NFIA: variants seen among roughly 807,000 people sequenced by gnomAD.
NFIA encodes the protein nuclear factor 1 A-type.
NFIA carries 8 observed loss-of-function variants against 62.8 expected under a neutral mutation model. The ratio of observed to expected loss-of-function variants is 0.13; its 90% CI spans 0.07 to 0.23. The LOEUF is 0.23. Ranked by LOEUF, NFIA falls within the 10% of genes least tolerant of loss-of-function variation. NFIA has a pLI of 1.00. For missense variants in NFIA, 410 were observed against 642.1 expected, an observed-to-expected ratio of 0.64 and a Z score of 3.91; for synonymous variants, 235 against 238.1, an observed-to-expected ratio of 0.99 and a Z score of 0.12.
chr1:61,077,828 C>A (rs1408184138), upstream of NFIA, among the ~76,000 whole-genome samples: 3 of 149,408 alleles, frequency 2.0e-5, no homozygotes, highest in Admixed American at 1.3e-4. Context: ...TTGCTATGTG[C>A]ATCAGAGACC....
At chr1:61,235,551 C>T (rs1654955554) in intron 2 of NFIA, among the ~76,000 whole-genome samples, 1 of 150,642 alleles carries the variant, frequency 6.6e-6, no homozygotes, top group Non-Finnish European at 1.5e-5. Context: ...TTTGGTGGCC[C>T]ATGCCTGTAA....
At chr1:61,211,910 T>C (rs576960126) in intron 2 of NFIA, among the ~76,000 whole-genome samples, 3 of 152,348 alleles carry the variant, frequency 2.0e-5, no homozygotes, top group South Asian at 2.1e-4. Context: ...TTGCCCAGGC[T>C]GGTCTCGAAC....
intron 2 of NFIA, among the ~76,000 whole-genome samples, chr1:61,249,486 T>C (rs12760024): frequency 1.3e-5 from 2 of 152,166 alleles, no homozygotes; most frequent in African/African-American, 4.8e-5. Flanking sequence ...AAATGAATAA[T>C]GGCCAGATGC....
intron 2 of NFIA, among the ~76,000 whole-genome samples, chr1:61,241,029 C>CAAA (rs991229962): frequency 5.3e-5 from 8 of 151,148 alleles, no homozygotes; most frequent in African/African-American, 1.9e-4. Context: ...AATTTCTTTA[C>CAAA]CTAAGGAGAG....
Position 61,091,972 on chromosome 1 carries a change from A to T in NFIA, c.559+3292A>T, listed in dbSNP as rs116125725. Among the ~76,000 whole-genome samples the T allele has an allele frequency of 4.0e-3, 616 of 152,182 alleles. 4 individuals are homozygous for T. The highest frequency in any genetic ancestry group is 5.2e-3 in the Non-Finnish European group (355 of 68,020). ...TACTTTTTAAGGACTCATTTCTTGG[A>T]TAGAGGCAGGTTGCTATTTTTAGGC... On this transcript the variant is annotated intron_variant, in intron 2 of 10. Transcript: ENST00000403491.
At chr1:61,389,918 T>C (rs1664883329) in intron 7 of NFIA, among the ~76,000 whole-genome samples, 1 of 152,212 alleles carries the variant, frequency 6.6e-6, no homozygotes. Context: ...TACCTATTAC[T>C]ATCTGGGGAC....
At position 61,417,436 on chromosome 1, in the gene NFIA, A is replaced by G. The variant is rs1476672079; in HGVS notation, c.1421-9029A>G. 3.3e-5 allele frequency among the ~76,000 whole-genome samples: 5 copies of G among 150,698 alleles called. No homozygotes were observed. In the East Asian group the frequency reaches 7.8e-4, roughly 23 times the overall value. Reference sequence around the variant, plus strand: ...CCTATATTCTTACTATAGGACATAAACTTTTCTTCTAACCTATGGAGTATG... The same window carrying G: ...CCTATATTCTTACTATAGGACATAAGCTTTTCTTCTAACCTATGGAGTATG... On this transcript the variant is annotated intron_variant, in intron 9 of 10. Transcript: ENST00000403491.
chr1:61,408,830 T>C (rs954004560), intron 9 of NFIA, among the ~76,000 whole-genome samples: 3 of 152,228 alleles, frequency 2.0e-5, no homozygotes, highest in Non-Finnish European at 4.4e-5. Context: ...CTGGCATGTT[T>C]GTTGTGAGAT....
In NFIA at chr1:61,106,468, C is replaced by T. The variant is rs552653909; in HGVS notation, c.559+17788C>T. ...TTAACTACAAATTATTCACATTAGT[C>T]AAATAAAAAAGAATGACATTTCCCC... On this transcript the variant is annotated intron_variant, in intron 2 of 10. Transcript: ENST00000403491. Among the ~76,000 whole-genome samples, 102 of 151,656 alleles carry T rather than the reference C, an allele frequency of 6.7e-4. No individual in the cohort carries two copies. The Middle Eastern group carries it at 0.01, about 15-fold the overall frequency.
At chr1:61,186,744 T>C (rs1651211582) in intron 2 of NFIA, among the ~76,000 whole-genome samples, 1 of 152,240 alleles carries the variant, frequency 6.6e-6, no homozygotes, top group Non-Finnish European at 1.5e-5. Context: ...TGTACTTCTT[T>C]TACTAATGCA....
chr1:61,192,946 G>T (rs1651744868), intron 2 of NFIA, among the ~76,000 whole-genome samples: 1 of 152,132 alleles, frequency 6.6e-6, no homozygotes, highest in African/African-American at 2.4e-5. Flanking sequence ...CTTGGCCTTT[G>T]TGCTTACCTG....
intron 8 of NFIA, among the ~76,000 whole-genome samples, 183 bp from the exon 9 acceptor site, chr1:61,406,379 T>G (rs1665819680): frequency 6.6e-6 from 1 of 152,184 alleles, no homozygotes; most frequent in South Asian, 2.1e-4. Context: ...TGAAATGCCT[T>G]AAGAACAGAA....
chr1:61,276,421 T>G (rs1367310731), intron 2 of NFIA, among the ~76,000 whole-genome samples: 2 of 152,222 alleles, frequency 1.3e-5, no homozygotes. Context: ...GACCTTACAT[T>G]AAACTTGCAG....
At chr1:61,126,474 A>ACACACACACACT (rs1339928745) in intron 2 of NFIA, among the ~76,000 whole-genome samples, 3 of 143,070 alleles carry the variant, frequency 2.1e-5, no homozygotes, top group South Asian at 4.3e-4. Flanking sequence ...ACACACACAC[A>ACACACACACACT]CTCACAGAAA....
chr1:61,414,805 CTA>C (rs753894806), intron 9 of NFIA, among the ~76,000 whole-genome samples: 9 of 151,930 alleles, frequency 5.9e-5, no homozygotes, highest in Admixed American at 2.6e-4. Context: ...GACGCCTGGA[CTA>C]TGTTACTGTT....
chr1:61,406,543 G>GGGCC lies in NFIA; in HGVS notation c.1255-19_1255-18insGGCC. ...TCTTTTTCTTGTACGTGTGTTTTCT[G>GGGCC]CCCCCCCCCCCCCCACAGCCCAATG... On this transcript the variant is annotated intron_variant, in intron 8 of 10. Transcript: ENST00000403491. The GGGCC allele has an allele frequency of 8.0e-6, 7 of 876,644 alleles. No individual in the cohort carries two copies. The highest frequency in any genetic ancestry group is 1.1e-5 in the Non-Finnish European group (7 of 653,734). 54.3% of individuals were successfully genotyped at this position (876,644 alleles called of 1,614,324 possible).
intron 9 of NFIA, among the ~76,000 whole-genome samples, chr1:61,422,471 G>A (rs1271666121): frequency 2.6e-5 from 4 of 152,192 alleles, no homozygotes; most frequent in South Asian, 2.1e-4. Flanking sequence ...GCCATGGTTC[G>A]TTTTTGCAGA....
chr1:61,343,082 A>T (rs752700770), intron 4 of NFIA, among the ~76,000 whole-genome samples: 4 of 152,208 alleles, frequency 2.6e-5, no homozygotes, highest in Admixed American at 6.5e-5. Flanking sequence ...AACTCAGTAA[A>T]CATTTGGTGC....
intron 2 of NFIA, among the ~76,000 whole-genome samples, chr1:61,238,441 T>C (rs1655127655): frequency 6.6e-6 from 1 of 152,132 alleles, no homozygotes; most frequent in African/African-American, 2.4e-5. Flanking sequence ...AAAAGAAAAT[T>C]ATATGTTTTA....
Sources: allele counts gnomAD v4.1 joint callset (sites outside exome capture counted in the v4.1 genomes callset), GRCh38; gene constraint gnomAD v4.1.1; transcripts MANE v1.5; gene names NCBI Gene and HGNC (gene_info 2026-07-23, HGNC 2026-07-21).